The following DMD variants were observed in gnomAD, a reference collection of about 807,000 sequenced individuals.
DMD encodes the protein dystrophin, also known as mutant dystrophin.
In DMD, 63 loss-of-function variants were observed where a neutral mutation model predicts 330.1. The ratio of observed to expected loss-of-function variants is 0.19; its 90% CI spans 0.16 to 0.24. The LOEUF (loss-of-function observed/expected upper bound fraction) is 0.24, where lower values mean the gene tolerates loss of function less well. Ranked by LOEUF, DMD falls within the 10% of genes least tolerant of loss-of-function variation. The pLI, the probability that DMD is intolerant of heterozygous loss-of-function variation, is 1.00. For synonymous variants in DMD, 1,223 were observed against 959.8 expected (o/e 1.27, Z -5.07); for missense variants, 3,344 against 2,684.1 (o/e 1.25, Z -5.43).
Position 33,211,548 on chromosome X carries a change from A to C in DMD, c.-236T>G. 9.6e-7 allele frequency: 1 copy of C among 1,042,820 alleles called. No homozygotes were observed. The highest frequency in any genetic ancestry group is 1.2e-6 in the Non-Finnish European group (1 of 811,773). 85.9% of individuals were successfully genotyped at this position (1,042,820 alleles called of 1,213,427 possible). A position where few individuals can be genotyped will look rare whatever the true frequency, so the allele number is the denominator to read the frequency against. On this transcript the variant is annotated 5_prime_UTR_variant, in exon 1 of 79. Transcript: ENST00000357033. The stretch of plus-strand genomic sequence containing the variant: ...ACTGAGTGAGTCAACACAGTAACTG[A>C]TGCCAGGATTCTGTAGAGGCCCCCG...
chrX:32,472,629 C>A lies in DMD; in HGVS notation c.2804-320G>T, dbSNP rs72468676. Among the ~76,000 whole-genome samples, 746 of 110,361 alleles carry A rather than the reference C, an allele frequency of 6.8e-3. 7 individuals carry two copies. Among genetic ancestry groups the A allele is most frequent in the Non-Finnish European group, 9.0e-3 (476 of 52,789 alleles). On this transcript the variant is annotated intron_variant, in intron 21 of 78. Transcript: ENST00000357033. ...AAACAGAGAAGCTAAGTAAATTGCC[C>A]AAGGTGATACAGATGGTATTTGCAG...
At chrX:32,534,256 G>A (rs1371802134) in intron 17 of DMD, among the ~76,000 whole-genome samples, 1 of 111,677 alleles carries the variant, frequency 9.0e-6, no homozygotes, top group African/African-American at 3.3e-5. Flanking sequence ...GGTATAGTTT[G>A]GATATTCGTC....
At chrX:32,446,016 T>G (rs192917155) in intron 27 of DMD, among the ~76,000 whole-genome samples, 53 of 109,992 alleles carry the variant, frequency 4.8e-4, no homozygotes, top group Admixed American at 4.7e-3. Context: ...ATTGAGCAGA[T>G]AGAGATAAGA....
intron 50 of DMD, among the ~76,000 whole-genome samples, chrX:31,779,065 C>T (rs1380642119): frequency 9.0e-6 from 1 of 111,634 alleles, no homozygotes; most frequent in African/African-American, 3.3e-5. Context: ...GCAACCTGTT[C>T]ACAGTTCTAA....
intron 51 of DMD, among the ~76,000 whole-genome samples, chrX:31,741,118 C>G (rs1281278729): frequency 1.8e-5 from 2 of 111,964 alleles, no homozygotes; most frequent in East Asian, 5.6e-4. Context: ...TTCAGTCACA[C>G]CTTCTGACTC....
chrX:32,889,979 T>C (rs1167274016), intron 2 of DMD, among the ~76,000 whole-genome samples: 1 of 111,574 alleles, frequency 9.0e-6, no homozygotes, highest in Non-Finnish European at 1.9e-5. Flanking sequence ...ATATGCAGGA[T>C]CTACCGGAAA....
intron 55 of DMD, among the ~76,000 whole-genome samples, chrX:31,568,149 T>C (rs1213602687): frequency 9.0e-6 from 1 of 111,363 alleles, no homozygotes; most frequent in Non-Finnish European, 1.9e-5. Flanking sequence ...ACATATAAGT[T>C]GAATTCTCTA....
chrX:33,272,875 G>A (rs772933885), intron 1 of DMD, among the ~76,000 whole-genome samples: 3 of 111,075 alleles, frequency 2.7e-5, no homozygotes, highest in East Asian at 2.8e-4. Flanking sequence ...TCTTCCTTGC[G>A]GTAGGCCCTT....
At chrX:31,747,765 C>T (rs1431805448) in intron 51 of DMD, among the ~76,000 whole-genome samples, 2 of 112,096 alleles carry the variant, frequency 1.8e-5, no homozygotes, top group Non-Finnish European at 3.8e-5. Flanking sequence ...TAAGTGGTTT[C>T]TGTAATGTTG....
intron 1 of DMD, among the ~76,000 whole-genome samples, chrX:33,205,744 C>T (rs1465898046): frequency 3.6e-5 from 4 of 111,592 alleles, no homozygotes; most frequent in African/African-American, 1.3e-4. Flanking sequence ...TAATATGGGA[C>T]ACCGTAATGG....
rs2097500304 is a variant in DMD at position 32,297,163 on chromosome X, C to G, written c.6118-9462G>C. 2.7e-5 allele frequency among the ~76,000 whole-genome samples: 3 copies of G among 111,411 alleles called. No individual in the cohort carries two copies. In the South Asian group the frequency reaches 1.1e-3, roughly 42 times the overall value. ...TCTAGGTTTCTCTCTCTGTGTCTGA[C>G]AGCTACATCGCTGTATTCATTCATT... On this transcript the variant is annotated intron_variant, in intron 42 of 78. Transcript: ENST00000357033.
chrX:31,946,899 T>C (rs1348821349), intron 45 of DMD, among the ~76,000 whole-genome samples: 1 of 110,280 alleles, frequency 9.1e-6, no homozygotes, highest in South Asian at 3.9e-4. Flanking sequence ...GCTAAGAAAA[T>C]GCCACATAAT....
At chrX:33,266,830 C>A (rs1358415258) in intron 1 of DMD, among the ~76,000 whole-genome samples, 1 of 110,899 alleles carries the variant, frequency 9.0e-6, no homozygotes, top group Non-Finnish European at 1.9e-5. Flanking sequence ...AGACTAGGCA[C>A]TGAAGGAACA....
At chrX:32,353,484 A>T (rs1201116532) in intron 37 of DMD, among the ~76,000 whole-genome samples, 4 of 111,755 alleles carry the variant, frequency 3.6e-5, no homozygotes, top group Non-Finnish European at 7.6e-5. Context: ...AATGGCTGAT[A>T]AATCATCTTA....
intron 56 of DMD, among the ~76,000 whole-genome samples, chrX:31,500,956 G>A (rs181901512): frequency 9.0e-6 from 1 of 111,603 alleles, no homozygotes; most frequent in East Asian, 2.8e-4. Context: ...AATTAAATTG[G>A]GCCTAAAGCT....
chrX:32,468,714 A>T lies in DMD; in HGVS notation c.2950-4T>A. ...CTTGCAGAGAACTTTGTAAAGCCTAAAAAACAATTTTTTAAATACATTTAC... is the reference window on the plus strand; with the variant it reads ...CTTGCAGAGAACTTTGTAAAGCCTATAAAACAATTTTTTAAATACATTTAC... On this transcript the variant is annotated splice_polypyrimidine_tract_variant and splice_region_variant and intron_variant, in intron 22 of 78. Coordinates refer to ENST00000357033, the MANE Select transcript of DMD (RefSeq NM_004006.3). 1 of 1,199,171 alleles carries T rather than the reference A, an allele frequency of 8.3e-7. No homozygotes were observed. The highest frequency in any genetic ancestry group is 1.8e-5 in the South Asian group (1 of 56,456).
intron 45 of DMD, among the ~76,000 whole-genome samples, chrX:31,963,401 T>A (rs1005005777): frequency 1.8e-5 from 2 of 112,071 alleles, no homozygotes; most frequent in Non-Finnish European, 3.8e-5. Flanking sequence ...TGACCGTACA[T>A]GAAGTCTCAC....
chrX:33,190,925 ATAT>A (rs1478644789), intron 1 of DMD, among the ~76,000 whole-genome samples: 10 of 663 alleles, frequency 0.015, no homozygotes, highest in Non-Finnish European at 0.024. Context: ...TATATATATA[ATAT>A]TATATATATA....
At chrX:32,644,453 C>A in intron 10 of DMD, 140 bp from the exon 11 acceptor site, 1 of 684,761 alleles carries the variant, frequency 1.5e-6, no homozygotes, top group South Asian at 2.9e-5. Context: ...TTTGTATTTG[C>A]AGAATCCCAA....
Sources: gnomAD v4.1 joint callset for allele counts (sites outside exome capture counted in the v4.1 genomes callset) on GRCh38, gnomAD v4.1.1 for gene constraint, MANE v1.5 for transcripts, NCBI Gene and HGNC (gene_info 2026-07-23, HGNC 2026-07-21) for gene names.